WNT16: variants seen among roughly 807,000 people sequenced by gnomAD.
WNT16 encodes Wnt family member 16.
WNT16 carries 20 observed loss-of-function variants against 35.4 expected under a neutral mutation model. The ratio of observed to expected loss-of-function variants is 0.56; its 90% confidence interval spans 0.40 to 0.82. WNT16 has a LOEUF of 0.82. Ranked by LOEUF, WNT16 falls within the 40% of genes least tolerant of loss-of-function variation. WNT16 has a pLI of 0.00. For synonymous variants in WNT16, 180 were observed against 179.2 expected, an observed-to-expected ratio of 1.00 and a Z score of -0.03; for missense variants, 461 against 466.0, an observed-to-expected ratio of 0.99 and a Z score of 0.10.
intron 3 of WNT16, among the ~76,000 whole-genome samples, chr7:121,332,353 T>C (rs902621969): frequency 6.6e-6 from 1 of 152,188 alleles, no homozygotes; most frequent in Non-Finnish European, 1.5e-5. Flanking sequence ...CTAACTGATA[T>C]GAGTTAAACC....
chr7:121,329,302 G>C lies in WNT16; in HGVS notation c.10G>C (p.Ala4Pro), dbSNP rs748478013. The change falls in exon 1 of 4, where the codon GCG becomes CCG. Residue 4 changes from alanine to proline, a missense_variant. Transcript: ENST00000222462. MDR[A>P]ALLGLARLCA... ...ACTCCATGCGGGGGCGATGGACAGG[G>C]CGGCGCTCCTGGGACTGGCCCGCTT... The C allele has an allele frequency of 5.1e-6, 8 of 1,576,342 alleles. No homozygotes were observed. In the African/African-American group the frequency reaches 1.1e-4, roughly 21 times the overall value.
intron 3 of WNT16, among the ~76,000 whole-genome samples, chr7:121,338,361 G>T (rs1223250669): frequency 6.6e-6 from 1 of 152,120 alleles, no homozygotes; most frequent in Non-Finnish European, 1.5e-5. Flanking sequence ...CTCTCTCAGT[G>T]CTTCTCAAAT....
chr7:121,333,496 A>G (rs1793386820), intron 3 of WNT16, among the ~76,000 whole-genome samples: 1 of 152,002 alleles, frequency 6.6e-6, no homozygotes, highest in Non-Finnish European at 1.5e-5. Context: ...TTATTTCACT[A>G]GAATAACTCT....
upstream of WNT16, among the ~76,000 whole-genome samples, chr7:121,326,824 A>G (rs189876881): frequency 6.6e-6 from 1 of 152,226 alleles, no homozygotes; most frequent in Non-Finnish European, 1.5e-5. Context: ...TAAAACATCT[A>G]CCACCGTTGG....
intron 2 of WNT16, among the ~76,000 whole-genome samples, chr7:121,330,639 C>A (rs1306164387): frequency 6.6e-6 from 1 of 151,806 alleles, no homozygotes; most frequent in African/African-American, 2.4e-5. Flanking sequence ...GCGCGCACCC[C>A]CGCCGAGCCG....
intron 3 of WNT16, among the ~76,000 whole-genome samples, chr7:121,337,331 A>G (rs2116842611): frequency 6.6e-6 from 1 of 152,344 alleles, no homozygotes; most frequent in South Asian, 2.1e-4. Flanking sequence ...TGTGTGCAAT[A>G]TTGTCTCATT....
At chr7:121,331,171 A>G (rs1352601230) in intron 2 of WNT16, among the ~76,000 whole-genome samples, 1 of 152,218 alleles carries the variant, frequency 6.6e-6, no homozygotes, top group Non-Finnish European at 1.5e-5. Flanking sequence ...TCTTTCCTTA[A>G]TTTTAATTTT....
intron 2 of WNT16, among the ~76,000 whole-genome samples, chr7:121,331,271 A>C (rs1793340879): frequency 6.6e-6 from 1 of 152,226 alleles, no homozygotes; most frequent in Non-Finnish European, 1.5e-5. Flanking sequence ...TTTCAAAAGA[A>C]AAGCAATCTA....
At chr7:121,333,833 A>G (rs1213485192) in intron 3 of WNT16, among the ~76,000 whole-genome samples, 1 of 152,046 alleles carries the variant, frequency 6.6e-6, no homozygotes, top group East Asian at 1.9e-4. Context: ...TTCAGAACAC[A>G]AAAACTCACG....
Position 121,339,426 on chromosome 7 carries a change from C to G in WNT16, c.*81C>G, listed in dbSNP as rs145703812. The G allele has an allele frequency of 7.5e-7, 1 of 1,330,186 alleles. No individual in the cohort carries two copies. The highest frequency in any genetic ancestry group is 1.4e-5 in the African/African-American group (1 of 69,096). The allele number at this position is 1,330,186 out of a possible 1,614,324, so 82.4% of individuals were successfully genotyped here. On this transcript the variant is annotated 3_prime_UTR_variant, in exon 4 of 4. Transcript: ENST00000222462. ...CAGAGAGGTGCCCATCCCTGTGCAG[C>G]GCTAGTAAAGTTGACTCTTGCAGTG...
intron 3 of WNT16, among the ~76,000 whole-genome samples, chr7:121,335,921 A>T (rs1281930244): frequency 6.6e-6 from 1 of 151,870 alleles, no homozygotes; most frequent in Non-Finnish European, 1.5e-5. Context: ...CTAAAACTAA[A>T]TCAGGTAAAA....
chr7:121,325,503 G>A, upstream of WNT16: 2 of 1,606,458 alleles, frequency 1.2e-6, no homozygotes, highest in Non-Finnish European at 1.7e-6. Context: ...TATTTTTGGA[G>A]AACAAAACAA....
chr7:121,339,545 G>T lies in WNT16; in HGVS notation c.*200G>T. On this transcript the variant is annotated 3_prime_UTR_variant, in exon 4 of 4. Transcript: ENST00000222462. ...CCCATCAATCATGTGGATTTCTTGG[G>T]ATTCTAATGTTGAAAAGGTTTATAT... 1.8e-6 allele frequency: 1 copy of T among 543,038 alleles called. No individual in the cohort carries two copies. Among genetic ancestry groups the T allele is most frequent in the Non-Finnish European group, 3.3e-6 (1 of 307,690 alleles). 33.6% of individuals were successfully genotyped at this position (543,038 alleles called of 1,614,324 possible).
intron 2 of WNT16, among the ~76,000 whole-genome samples, chr7:121,330,033 C>G (rs1793313778): frequency 6.6e-6 from 1 of 152,230 alleles, no homozygotes; most frequent in South Asian, 2.1e-4. Flanking sequence ...GAGCGGAGCT[C>G]TAGGGGCTGG....
Position 121,339,263 on chromosome 7 carries a change from G to T in WNT16, c.1016G>T (p.Arg339Met). ...ACCCATGTGGTCAGGCACGTGGAGA[G>T]GTGTGAGTGTAAGTTCATCTGGTGC... is the stretch of plus-strand genomic sequence containing the variant. ...YNTHVVRHVERCECKFIWCCY... is the reference protein window; with the variant it reads ...YNTHVVRHVEMCECKFIWCCY... The change falls in exon 4 of 4, where the codon AGG (arginine) becomes ATG (methionine). Residue 339 changes from arginine to methionine, a missense_variant. Arg to Met is a moderately conservative substitution (Grantham distance 91). Coordinates refer to ENST00000222462, the MANE Select transcript of WNT16 (RefSeq NM_057168.2). 3 of 1,614,178 alleles carry T rather than the reference G, an allele frequency of 1.9e-6. No individual in the cohort carries two copies. The highest frequency in any genetic ancestry group is 2.2e-5 in the South Asian group (2 of 91,088).
chr7:121,331,817 C>T lies in WNT16; in HGVS notation c.486C>T (p.Gly162=), dbSNP rs201247158. ...AGAACGGCGGCTCAGCAAGTGAAGGCTGGCACTGGGGGGGCTGCTCCGATG... is the reference window on the plus strand; with the variant it reads ...AGAACGGCGGCTCAGCAAGTGAAGGTTGGCACTGGGGGGGCTGCTCCGATG... ...TLQNGGSASE[G]WHWGGCSDDV... is the part of the protein sequence containing the mutation. The change falls in exon 3 of 4, where the codon GGC becomes GGT. Residue 162 remains glycine (G), a synonymous_variant. Coordinates refer to ENST00000222462, the MANE Select transcript of WNT16 (RefSeq NM_057168.2). 39 of 1,614,188 alleles carry T rather than the reference C, an allele frequency of 2.4e-5. No individual in the cohort carries two copies. Among genetic ancestry groups the T allele is most frequent in the Non-Finnish European group, 3.1e-5 (36 of 1,180,038 alleles).
chr7:121,331,674 C>T lies in WNT16; in HGVS notation c.347-4C>T, dbSNP rs1793348582. Reference sequence around the variant, plus strand: ...TCTAATTTAGCAATTTATATTTTTTCTAGGCACCAAAGAGACAGCATTTAT... The same window carrying T: ...TCTAATTTAGCAATTTATATTTTTTTTAGGCACCAAAGAGACAGCATTTAT... On this transcript the variant is annotated splice_region_variant and splice_polypyrimidine_tract_variant and intron_variant, in intron 2 of 3. Transcript: ENST00000222462. The T allele has an allele frequency of 2.5e-6, 4 of 1,596,792 alleles. No individual in the cohort carries two copies. The highest frequency in any genetic ancestry group is 3.4e-6 in the Non-Finnish European group (4 of 1,166,348).
chr7:121,337,436 C>G (rs1793461297), intron 3 of WNT16, among the ~76,000 whole-genome samples: 1 of 152,118 alleles, frequency 6.6e-6, no homozygotes, highest in Admixed American at 6.6e-5. Context: ...AGTGTAGACC[C>G]CTGTCATTTT....
At chr7:121,325,757 T>C (rs1198485319), upstream of WNT16, among the ~76,000 whole-genome samples, 2 of 151,994 alleles carry the variant, frequency 1.3e-5, no homozygotes, top group Non-Finnish European at 2.9e-5. Context: ...AAACAGGGTC[T>C]TGGCCAGGTG....
Sources: allele counts gnomAD v4.1 joint callset (sites outside exome capture counted in the v4.1 genomes callset), GRCh38; gene constraint gnomAD v4.1.1; transcripts MANE v1.5; gene names NCBI Gene and HGNC (gene_info 2026-07-23, HGNC 2026-07-21).